CCDC148: variants seen among roughly 807,000 people sequenced by gnomAD.
CCDC148 encodes the protein coiled-coil domain containing 148.
CCDC148 carries 89 observed loss-of-function variants against 85.7 expected under a neutral mutation model. The ratio of observed to expected loss-of-function variants is 1.04; its 90% confidence interval spans 0.87 to 1.24. The LOEUF is 1.24. Ranked by LOEUF, CCDC148 falls within the 50% of genes most tolerant of loss-of-function variation. The pLI, the probability that CCDC148 is intolerant of heterozygous loss-of-function variation, is 0.00. For missense variants in CCDC148, 692 were observed against 671.7 expected (o/e 1.03, Z -0.33); for synonymous variants, 230 against 213.9 (o/e 1.08, Z -0.66).
rs970877004 is a variant in CCDC148 at position 158,331,762 on chromosome 2, C to G, written c.764+6964G>C. ...ATTGATCCCTTTACCATTATGTAATCACCTTCTTTGTCTCTTTTGATCTTT... is the reference window on the plus strand; with the variant it reads ...ATTGATCCCTTTACCATTATGTAATGACCTTCTTTGTCTCTTTTGATCTTT... On this transcript the variant is annotated intron_variant, in intron 7 of 13. Transcript: ENST00000283233. Among the ~76,000 whole-genome samples, 12 of 152,128 alleles carry G rather than the reference C, an allele frequency of 7.9e-5. No homozygotes were observed. In the South Asian group the frequency reaches 8.3e-4, roughly 11 times the overall value.
At position 158,340,397 on chromosome 2, in the gene CCDC148, T is replaced by C. The variant is rs1466365507; in HGVS notation, c.335-4A>G. ...TGTTGTTCTGATAGCTCTTGCTCTA[T>C]GGTGAAACAAAATTGAATTAAAGGA... On this transcript the variant is annotated splice_polypyrimidine_tract_variant and splice_region_variant and intron_variant, in intron 4 of 13. Coordinates refer to ENST00000283233, the MANE Select transcript of CCDC148 (RefSeq NM_138803.4). The C allele has an allele frequency of 6.2e-6, 10 of 1,612,356 alleles. No homozygotes were observed. Among genetic ancestry groups the C allele is most frequent in the African/African-American group, 4.0e-5 (3 of 74,972 alleles).
intron 10 of CCDC148, among the ~76,000 whole-genome samples, chr2:158,244,281 T>C (rs1688476402): frequency 6.6e-6 from 1 of 152,188 alleles, no homozygotes; most frequent in Non-Finnish European, 1.5e-5. Context: ...ATCGTTGTTG[T>C]ATAAAAATTG....
intron 1 of CCDC148, among the ~76,000 whole-genome samples, chr2:158,369,597 A>G (rs1684350294): frequency 6.6e-6 from 1 of 152,180 alleles, no homozygotes. Context: ...TTCTAGATAT[A>G]GGATCATGTC....
intron 11 of CCDC148, among the ~76,000 whole-genome samples, chr2:158,188,422 AT>A (rs145129800): frequency 0.055 from 8,396 of 151,676 alleles, 778 homozygotes; most frequent in African/African-American, 0.19. Flanking sequence ...ATATTAGAAT[AT>A]TTTTTTTAAA....
chr2:158,282,588 T>C (rs1311968669), intron 9 of CCDC148, among the ~76,000 whole-genome samples: 1 of 152,170 alleles, frequency 6.6e-6, no homozygotes, highest in East Asian at 1.9e-4. Context: ...GAAGGACCTC[T>C]TCAAGGAGAA....
chr2:158,425,407 A>G (rs1020340624), intron 1 of CCDC148: 123 of 369,950 alleles, frequency 3.3e-4, no homozygotes, highest in Admixed American at 2.6e-4. Context: ...ATTATTTTGT[A>G]AAAGACTTTC....
Position 158,323,508 on chromosome 2 carries a change from A to C in CCDC148, c.765-9614T>G, listed in dbSNP as rs543108153. Among the ~76,000 whole-genome samples, 10 of 152,326 alleles carry C rather than the reference A, an allele frequency of 6.6e-5. No individual in the cohort carries two copies. The South Asian group carries it at 1.7e-3, about 25-fold the overall frequency. On this transcript the variant is annotated intron_variant, in intron 7 of 13. Transcript: ENST00000283233. Reference sequence around the variant, plus strand: ...CATGTATAGCTTTTATCATATTTCTATGAAATGGCAACCTGTTTTACCAGC... The same window carrying C: ...CATGTATAGCTTTTATCATATTTCTCTGAAATGGCAACCTGTTTTACCAGC...
At chr2:158,433,261 A>AATATATATATATATACATATATAT (rs1553521612) in intron 1 of CCDC148, among the ~76,000 whole-genome samples, 3 of 122,552 alleles carry the variant, frequency 2.4e-5, no homozygotes, top group African/African-American at 8.7e-5. Context: ...CCTTGACTCA[A>AATATATATATATATACATATATAT]ATATATATAT....
chr2:158,321,270 A>T (rs1028778425), intron 7 of CCDC148, among the ~76,000 whole-genome samples: 18 of 152,176 alleles, frequency 1.2e-4, no homozygotes, highest in Non-Finnish European at 2.1e-4. Flanking sequence ...CATGGTCCAC[A>T]CTATTACCCA....
chr2:158,355,114 C>T lies in CCDC148; in HGVS notation c.147+3335G>A, dbSNP rs569344327. 1.7e-3 allele frequency among the ~76,000 whole-genome samples: 262 copies of T among 151,116 alleles called. 1 individual carries two copies. Among genetic ancestry groups the T allele is most frequent in the African/African-American group, 6.0e-3 (249 of 41,292 alleles). Reference sequence around the variant, plus strand: ...AGAGCTATCTATGACAAACCCACAGCCAATATCATACTGAATGGGCAAAAA... The same window carrying T: ...AGAGCTATCTATGACAAACCCACAGTCAATATCATACTGAATGGGCAAAAA... On this transcript the variant is annotated intron_variant, in intron 2 of 13. Coordinates refer to ENST00000283233, the MANE Select transcript of CCDC148 (RefSeq NM_138803.4).
chr2:158,209,938 C>T (rs1211777498), intron 11 of CCDC148, among the ~76,000 whole-genome samples: 1 of 136,326 alleles, frequency 7.3e-6, no homozygotes, highest in Non-Finnish European at 1.6e-5. Flanking sequence ...ATCATAATGA[C>T]AGGATCAAAT....
intron 10 of CCDC148, among the ~76,000 whole-genome samples, chr2:158,235,502 C>T (rs1688062278): frequency 6.6e-6 from 1 of 152,134 alleles, no homozygotes; most frequent in Non-Finnish European, 1.5e-5. Flanking sequence ...AAATGCTATC[C>T]ATTGAGTGGG....
chr2:158,429,652 A>G (rs1687248649), intron 1 of CCDC148, among the ~76,000 whole-genome samples: 1 of 152,220 alleles, frequency 6.6e-6, no homozygotes, highest in Non-Finnish European at 1.5e-5. Flanking sequence ...TAAGGTAGTA[A>G]TAATAAAATT....
intron 3 of CCDC148, among the ~76,000 whole-genome samples, chr2:158,344,503 C>T (rs963636600): frequency 6.6e-6 from 1 of 152,060 alleles, no homozygotes; most frequent in African/African-American, 2.4e-5. Flanking sequence ...TTAAAATGCA[C>T]ATTTTAGAAG....
At chr2:158,383,442 T>C (rs1221642924) in intron 1 of CCDC148, among the ~76,000 whole-genome samples, 2 of 152,110 alleles carry the variant, frequency 1.3e-5, no homozygotes, top group African/African-American at 4.8e-5. Context: ...TGTGTGTAGA[T>C]GTATATTTAA....
In CCDC148 at chr2:158,176,521, C is replaced by T. The variant is rs760066262; in HGVS notation, c.1629G>A (p.Gln543=). Reference sequence around the variant, plus strand: ...CAGTCATGCTAATTTCCATAATTACCTGCTGTTCATTGTATGTATTCAATG... The same window carrying T: ...CAGTCATGCTAATTTCCATAATTACTTGCTGTTCATTGTATGTATTCAATG... The part of the protein sequence containing the change: ...LFTLNTYNEQ[Q]IISDPRLRFE... The change falls in exon 13 of 14, where the codon CAG becomes CAA. Residue 543 remains glutamine (Q), a splice_region_variant and synonymous_variant. Coordinates refer to ENST00000283233, the MANE Select transcript of CCDC148 (RefSeq NM_138803.4). 3 of 1,610,194 alleles carry T rather than the reference C, an allele frequency of 1.9e-6. No homozygotes were observed. The African/African-American group carries it at 4.0e-5, about 22-fold the overall frequency.
chr2:158,298,098 C>G (rs374437418), intron 9 of CCDC148, among the ~76,000 whole-genome samples: 3 of 152,176 alleles, frequency 2.0e-5, no homozygotes, highest in African/African-American at 7.2e-5. Flanking sequence ...GAGTGCCCAG[C>G]AAAGGGGGAA....
intron 9 of CCDC148, among the ~76,000 whole-genome samples, chr2:158,252,635 T>G (rs1688840170): frequency 6.6e-6 from 1 of 151,670 alleles, no homozygotes; most frequent in Admixed American, 6.6e-5. Context: ...GACATTTCTC[T>G]CCCCTGTTTC....
chr2:158,194,473 TTGTATTTCTCAGAAAGCGG>T (rs1192729806), intron 11 of CCDC148, among the ~76,000 whole-genome samples: 1 of 152,152 alleles, frequency 6.6e-6, no homozygotes, highest in African/African-American at 2.4e-5. Flanking sequence ...AATTATACTG[TTGTATTTCTCAGAAAGCGG>T]TGAGTAGACC....
Sources: gnomAD v4.1 joint callset for allele counts (sites outside exome capture counted in the v4.1 genomes callset) on GRCh38, gnomAD v4.1.1 for gene constraint, MANE v1.5 for transcripts, NCBI Gene and HGNC (gene_info 2026-07-23, HGNC 2026-07-21) for gene names.